The following PRKN variants were observed in gnomAD, a reference collection of about 807,000 sequenced individuals.
The protein encoded by PRKN is parkin RBR E3 ubiquitin protein ligase.
A neutral mutation model predicts 59.5 loss-of-function variants in PRKN; 56 were observed. That is an observed-to-expected ratio of 0.94 (90% CI 0.76 to 1.18). The LOEUF (loss-of-function observed/expected upper bound fraction) is 1.18. PRKN is among the 50% of genes most tolerant of loss of function. PRKN has a pLI of 0.00. For missense variants in PRKN, 657 were observed against 596.4 expected (o/e 1.10, Z -1.06); for synonymous variants, 250 against 222.1 (o/e 1.13, Z -1.12).
chr6:161,920,571 A>C (rs1778746804), intron 6 of PRKN, among the ~76,000 whole-genome samples: 1 of 151,410 alleles, frequency 6.6e-6, no homozygotes, highest in South Asian at 2.1e-4. Context: ...TGGATCACGA[A>C]GTCAAGAGAT....
chr6:161,437,062 C>T (rs9355901), intron 9 of PRKN, among the ~76,000 whole-genome samples: 38,826 of 151,974 alleles, frequency 0.26, 6,614 homozygotes, highest in East Asian at 0.76. Flanking sequence ...AGTACCGACC[C>T]TATATATGCT....
chr6:161,827,826 A>G (rs1339845782), intron 6 of PRKN, among the ~76,000 whole-genome samples: 2 of 152,176 alleles, frequency 1.3e-5, no homozygotes, highest in Non-Finnish European at 2.9e-5. Context: ...TACTTTTTAA[A>G]TTGTAGTCCA....
intron 6 of PRKN, among the ~76,000 whole-genome samples, chr6:161,831,726 G>T (rs572976510): frequency 2.0e-5 from 3 of 152,172 alleles, no homozygotes; most frequent in Non-Finnish European, 2.9e-5. Flanking sequence ...ATCATATTGT[G>T]CAGGTAAATG....
At chr6:162,010,170 GAATC>G (rs1386676944) in intron 5 of PRKN, among the ~76,000 whole-genome samples, 2 of 142,722 alleles carry the variant, frequency 1.4e-5, no homozygotes, top group Admixed American at 7.7e-5. Context: ...ACCCCTCGCA[GAATC>G]AATCAATTTG....
At position 162,505,589 on chromosome 6, in the gene PRKN, C is replaced by CA. The variant is rs535750738; in HGVS notation, c.8-62117dup. Reference sequence around the variant, plus strand: ...TACCTGTGTCCACATGGATAAGCTTCAAAACCAAAATCTGAGCCACAAAAG... The same window carrying CA: ...TACCTGTGTCCACATGGATAAGCTTCAAAAACCAAAATCTGAGCCACAAAAG... On this transcript the variant is annotated intron_variant, in intron 1 of 11. Coordinates refer to ENST00000366898, the MANE Select transcript of PRKN (RefSeq NM_004562.3). Among the ~76,000 whole-genome samples, 455 of 152,222 alleles carry CA rather than the reference C, an allele frequency of 3.0e-3. 3 individuals carry two copies. The highest frequency in any genetic ancestry group is 4.0e-3 in the Non-Finnish European group (274 of 68,004).
Position 161,499,132 on chromosome 6 carries a change from A to ATT in PRKN, c.1083+49720_1083+49721dup, listed in dbSNP as rs1554267942. Among the ~76,000 whole-genome samples the ATT allele has an allele frequency of 1.5e-5, 2 of 136,560 alleles. No homozygotes were observed. The highest frequency in any genetic ancestry group is 2.7e-5 in the African/African-American group (1 of 36,806). The allele number at this position is 136,560 out of a possible 152,430, so 89.6% of individuals were successfully genotyped here. ...AGGGTCTGGACACACACACACACACATTTTTTTTTTTTTTTTGGCTCACAG... is the reference window on the plus strand; with the variant it reads ...AGGGTCTGGACACACACACACACACATTTTTTTTTTTTTTTTTTGGCTCACAG... On this transcript the variant is annotated intron_variant, in intron 9 of 11. Coordinates refer to ENST00000366898, the MANE Select transcript of PRKN (RefSeq NM_004562.3). The surrounding 1 kb of genome is among the most constrained non-coding windows in gnomAD (Gnocchi z 4.2).
At chr6:161,963,381 T>C (rs1256796246) in intron 6 of PRKN, among the ~76,000 whole-genome samples, 1 of 152,208 alleles carries the variant, frequency 6.6e-6, no homozygotes, top group Non-Finnish European at 1.5e-5. Context: ...GTGACATCTC[T>C]AGGAAGCTCT....
chr6:162,294,188 C>T (rs1250650515), intron 2 of PRKN, among the ~76,000 whole-genome samples: 3 of 152,082 alleles, frequency 2.0e-5, no homozygotes, highest in Non-Finnish European at 2.9e-5. Context: ...TGAAAGCCCC[C>T]GGTGCTGAGG....
At chr6:161,903,975 G>C (rs539985098) in intron 6 of PRKN, among the ~76,000 whole-genome samples, 1 of 151,836 alleles carries the variant, frequency 6.6e-6, no homozygotes, top group Non-Finnish European at 1.5e-5. Flanking sequence ...AAACAGGAGG[G>C]AAGCAGAGTG....
At chr6:162,452,724 G>C (rs1051800671) in intron 1 of PRKN, among the ~76,000 whole-genome samples, 4 of 151,918 alleles carry the variant, frequency 2.6e-5, no homozygotes, top group African/African-American at 9.7e-5. Flanking sequence ...ACAATAAACT[G>C]GTGACCAGAA....
intron 11 of PRKN, among the ~76,000 whole-genome samples, chr6:161,351,202 T>G (rs1424501636): frequency 7.0e-6 from 1 of 142,422 alleles, no homozygotes; most frequent in African/African-American, 2.6e-5. Context: ...TGATATAACC[T>G]AATATAATGT....
intron 1 of PRKN, among the ~76,000 whole-genome samples, chr6:162,450,161 T>C (rs1790519281): frequency 6.6e-6 from 1 of 152,032 alleles, no homozygotes; most frequent in African/African-American, 2.4e-5. Context: ...ATGATGAAGG[T>C]GCGTTATCAG....
chr6:161,553,229 C>T (rs1780107942), intron 8 of PRKN, among the ~76,000 whole-genome samples: 1 of 152,140 alleles, frequency 6.6e-6, no homozygotes, highest in Non-Finnish European at 1.5e-5. Flanking sequence ...TCCCAGTCTT[C>T]ATTTTGCTGA....
At chr6:161,768,737 T>C (rs1789535884) in intron 7 of PRKN, among the ~76,000 whole-genome samples, 1 of 152,170 alleles carries the variant, frequency 6.6e-6, no homozygotes, top group South Asian at 2.1e-4. Flanking sequence ...ATATCATACT[T>C]GATTTCAGTC....
At chr6:162,094,901 A>G (rs1377070209) in intron 4 of PRKN, among the ~76,000 whole-genome samples, 2 of 152,214 alleles carry the variant, frequency 1.3e-5, no homozygotes, top group Admixed American at 1.3e-4. Flanking sequence ...TGTATAGTCT[A>G]GATTTTTAAC....
intron 1 of PRKN, among the ~76,000 whole-genome samples, chr6:162,530,691 C>A (rs564619606): frequency 6.6e-6 from 1 of 152,282 alleles, no homozygotes; most frequent in African/African-American, 2.4e-5. Flanking sequence ...CTATTAGCAG[C>A]ATGTTTAATG....
intron 1 of PRKN, among the ~76,000 whole-genome samples, chr6:162,653,795 A>T (rs1778537494): frequency 6.6e-6 from 1 of 152,226 alleles, no homozygotes; most frequent in Non-Finnish European, 1.5e-5. Flanking sequence ...GGTTGCCAAC[A>T]GTATCTAAAT....
In PRKN at chr6:161,484,434, G is replaced by A. The variant is rs539191383; in HGVS notation, c.1083+64420C>T. ...AACTAAGATGCACTGGGTACGTTACGTGTTAGGGAGCGTCCCAAGTGCTTA... is the reference window on the plus strand; with the variant it reads ...AACTAAGATGCACTGGGTACGTTACATGTTAGGGAGCGTCCCAAGTGCTTA... On this transcript the variant is annotated intron_variant, in intron 9 of 11. Transcript: ENST00000366898. This position sits in a 1 kb window ranked among gnomAD's most constrained non-coding sequence, Gnocchi z 4.9. 4.7e-4 allele frequency among the ~76,000 whole-genome samples: 72 copies of A among 152,220 alleles called. No individual in the cohort carries two copies. The highest frequency in any genetic ancestry group is 1.7e-3 in the African/African-American group (71 of 41,532).
At chr6:162,005,810 T>C (rs1396176476) in intron 5 of PRKN, among the ~76,000 whole-genome samples, 1 of 152,146 alleles carries the variant, frequency 6.6e-6, no homozygotes, top group Non-Finnish European at 1.5e-5. Context: ...AAACCGGTGC[T>C]AGATGTCAGG....
Sources: allele counts gnomAD v4.1 joint callset (sites outside exome capture counted in the v4.1 genomes callset), GRCh38; gene constraint gnomAD v4.1.1; non-coding constraint Gnocchi (gnomAD v3.1); transcripts MANE v1.5; gene names NCBI Gene and HGNC (gene_info 2026-07-23, HGNC 2026-07-21).